The following ADAMTS3 variants were observed in gnomAD, a reference collection of about 807,000 sequenced individuals.
ADAMTS3 encodes the protein ADAM metallopeptidase with thrombospondin type 1 motif 3, also known as A disintegrin and metalloproteinase with thrombospondin motifs 3.
In ADAMTS3, 73 loss-of-function variants were observed where a neutral mutation model predicts 129.0. The observed-to-expected ratio is 0.57, with a 90% CI of 0.47 to 0.69. The LOEUF (loss-of-function observed/expected upper bound fraction) is 0.69, where lower values mean the gene tolerates loss of function less well. Among genes scored for constraint, ADAMTS3 ranks in the 30% least tolerant of loss-of-function variants. ADAMTS3 has a pLI of 0.00. For missense variants in ADAMTS3, 1,457 were observed against 1,514.5 expected (o/e 0.96, Z 0.63); for synonymous variants, 477 against 510.8 (o/e 0.93, Z 0.89).
At chr4:72,307,667 TTA>T (rs1491121040) in intron 15 of ADAMTS3, among the ~76,000 whole-genome samples, 1 of 152,054 alleles carries the variant, frequency 6.6e-6, no homozygotes, top group Non-Finnish European at 1.5e-5. Context: ...CAATAAACTG[TTA>T]ATAGTCAATG....
At chr4:72,533,232 T>C (rs1313461110) in intron 3 of ADAMTS3, among the ~76,000 whole-genome samples, 1 of 152,172 alleles carries the variant, frequency 6.6e-6, no homozygotes, top group African/African-American at 2.4e-5. Flanking sequence ...TTAAACTTTT[T>C]TGTTAAAAAT....
intron 5 of ADAMTS3, among the ~76,000 whole-genome samples, chr4:72,323,872 A>G (rs1017106673): frequency 6.6e-6 from 1 of 152,232 alleles, no homozygotes; most frequent in African/African-American, 2.4e-5. Flanking sequence ...TGTTTTATAC[A>G]GATGAAGAAA....
intron 21 of ADAMTS3, among the ~76,000 whole-genome samples, chr4:72,287,380 GAC>G (rs1184869470): frequency 3.3e-5 from 5 of 151,508 alleles, no homozygotes; most frequent in African/African-American, 1.2e-4. Flanking sequence ...GAGAGACAGA[GAC>G]AGACATACCA....
intron 3 of ADAMTS3, chr4:72,441,998 G>A (rs893188000): frequency 6.6e-6 from 1 of 151,782 alleles, no homozygotes; most frequent in Non-Finnish European, 1.5e-5. Context: ...GGTTCTATGG[G>A]TCAGGATTTC....
chr4:72,369,630 G>C lies in ADAMTS3; in HGVS notation c.662-29937C>G, dbSNP rs112137873. 1.6e-3 allele frequency among the ~76,000 whole-genome samples: 248 copies of C among 151,842 alleles called. 3 individuals carry two copies. The highest frequency in any genetic ancestry group is 5.4e-3 in the African/African-American group (224 of 41,384). On this transcript the variant is annotated intron_variant, in intron 4 of 21. Coordinates refer to ENST00000286657, the MANE Select transcript of ADAMTS3 (RefSeq NM_014243.3). ...GGAGGCTGAGGCACGAGAATTGTTC[G>C]ATCCTGGTAGGCGGAGGTTGCAGTT... is the stretch of plus-strand genomic sequence containing the variant.
intron 3 of ADAMTS3, among the ~76,000 whole-genome samples, chr4:72,415,535 T>C (rs1722282297): frequency 6.6e-6 from 1 of 152,050 alleles, no homozygotes; most frequent in African/African-American, 2.4e-5. Context: ...GTTTATTCAT[T>C]TGAAGAACTA....
intron 3 of ADAMTS3, among the ~76,000 whole-genome samples, chr4:72,423,511 C>A (rs1226826307): frequency 6.6e-6 from 1 of 152,030 alleles, no homozygotes; most frequent in East Asian, 1.9e-4. Context: ...AACACATTGT[C>A]TAATTCCATT....
chr4:72,532,886 A>T lies in ADAMTS3; in HGVS notation c.504+15592T>A, dbSNP rs529099122. On this transcript the variant is annotated intron_variant, in intron 3 of 21. Coordinates refer to ENST00000286657, the MANE Select transcript of ADAMTS3 (RefSeq NM_014243.3). ...ATGGTACACATATATAGGGCACTAT[A>T]TGGAGCTTGCAGGACTGGAAGTTGT... Among the ~76,000 whole-genome samples, 60 of 152,324 alleles carry T rather than the reference A, an allele frequency of 3.9e-4. 3 individuals carry two copies. In the South Asian group the frequency reaches 0.012, roughly 30 times the overall value.
intron 3 of ADAMTS3, among the ~76,000 whole-genome samples, chr4:72,508,481 T>C (rs1720223103): frequency 6.6e-6 from 1 of 152,148 alleles, no homozygotes; most frequent in Admixed American, 6.5e-5. Flanking sequence ...TTAAATGAGT[T>C]TCTGATTTAA....
intron 5 of ADAMTS3, chr4:72,323,317 G>A (rs550384713): frequency 4.1e-5 from 21 of 510,960 alleles, no homozygotes; most frequent in Admixed American, 3.1e-4. Flanking sequence ...TAATATGAAC[G>A]TACAGGACAT....
At chr4:72,468,313 C>G (rs913649455) in intron 3 of ADAMTS3, among the ~76,000 whole-genome samples, 102 of 152,176 alleles carry the variant, frequency 6.7e-4, no homozygotes, top group African/African-American at 2.4e-3. Flanking sequence ...TCACAGTCAT[C>G]ATGATCCAAA....
At chr4:72,467,047 G>T (rs558521867) in intron 3 of ADAMTS3, among the ~76,000 whole-genome samples, 3 of 151,944 alleles carry the variant, frequency 2.0e-5, no homozygotes, top group East Asian at 3.9e-4. Flanking sequence ...TTTCAAAGTT[G>T]TATTTTATTT....
chr4:72,316,562 C>T (rs879464337), intron 10 of ADAMTS3, among the ~76,000 whole-genome samples: 25 of 152,008 alleles, frequency 1.6e-4, no homozygotes, highest in Non-Finnish European at 3.5e-4. Context: ...TTGGTGCATG[C>T]CTCTAATTCC....
In ADAMTS3 at chr4:72,283,231, A is replaced by G; in HGVS notation, c.3523T>C (p.Ser1175Pro). 6.2e-7 allele frequency: 1 copy of G among 1,613,912 alleles called. No individual in the cohort carries two copies. The highest frequency in any genetic ancestry group is 1.1e-5 in the South Asian group (1 of 91,058). Residue 1175 changes from serine to proline, a missense_variant, in exon 22 of 22, where the codon TCA (serine) becomes CCA (proline). Transcript: ENST00000286657. ...CTTGCCTGAGAAGAAGCACCTATTG[A>G]ATCACTGGCTGCAAAGAAGGAAGCA... ...AAASFFAASD[S>P]IGASSQARTS...
intron 3 of ADAMTS3, among the ~76,000 whole-genome samples, chr4:72,528,670 CT>C (rs1203240327): frequency 6.6e-6 from 1 of 151,924 alleles, no homozygotes; most frequent in Non-Finnish European, 1.5e-5. Flanking sequence ...TATATAAAAT[CT>C]TAGGTACCTC....
At chr4:72,322,617 C>T (rs1719585737) in intron 6 of ADAMTS3, among the ~76,000 whole-genome samples, 1 of 152,038 alleles carries the variant, frequency 6.6e-6, no homozygotes, top group African/African-American at 2.4e-5. Context: ...TTCCAAGCAC[C>T]TAGAAAATGT....
intron 11 of ADAMTS3, among the ~76,000 whole-genome samples, chr4:72,314,124 C>A (rs896118269): frequency 1.3e-5 from 2 of 152,028 alleles, no homozygotes; most frequent in African/African-American, 4.8e-5. Flanking sequence ...CTTTGAGCAC[C>A]CAGCTTGCAC....
At chr4:72,326,532 C>A (rs557355454) in intron 5 of ADAMTS3, among the ~76,000 whole-genome samples, 1 of 152,026 alleles carries the variant, frequency 6.6e-6, no homozygotes, top group Non-Finnish European at 1.5e-5. Context: ...GAGTGACCTT[C>A]GGTTGGTCAT....
chr4:72,465,729 C>G (rs547697831), intron 3 of ADAMTS3, among the ~76,000 whole-genome samples: 1 of 152,060 alleles, frequency 6.6e-6, no homozygotes, highest in East Asian at 2.0e-4. Flanking sequence ...TGTCCCCACC[C>G]AAATCTCACC....
Sources: allele counts gnomAD v4.1 joint callset (sites outside exome capture counted in the v4.1 genomes callset), GRCh38; gene constraint gnomAD v4.1.1; transcripts MANE v1.5; gene names NCBI Gene and HGNC (gene_info 2026-07-23, HGNC 2026-07-21).